Variants in HMGCLL1 observed in about 807,000 individuals in gnomAD.
The protein encoded by HMGCLL1 is 3-hydroxy-3-methylglutaryl-CoA lyase like 1, also known as 3-hydroxymethyl-3-methylglutaryl-CoA lyase, cytoplasmic.
In HMGCLL1, 36 loss-of-function variants were observed where a neutral mutation model predicts 39.1. That is an observed-to-expected ratio of 0.92 (90% confidence interval 0.71 to 1.22). The LOEUF (loss-of-function observed/expected upper bound fraction) is 1.22, where lower values mean the gene tolerates loss of function less well. HMGCLL1 is among the 50% of genes most tolerant of loss of function. HMGCLL1 has a pLI of 0.00. For missense variants in HMGCLL1, 451 were observed against 416.5 expected (o/e 1.08, Z -0.72); for synonymous variants, 149 against 144.0 (o/e 1.03, Z -0.25).
At chr6:55,678,837 A>C in the HMGCLL1 span, among the ~76,000 whole-genome samples, 1 of 152,200 alleles carries the variant, frequency 6.6e-6, no homozygotes, top group African/African-American at 2.4e-5. Context: ...GAAAGGGCAC[A>C]GACAGATTCC....
the HMGCLL1 span, among the ~76,000 whole-genome samples, chr6:55,608,090 T>A: frequency 1.3e-5 from 2 of 152,202 alleles, no homozygotes; most frequent in African/African-American, 4.8e-5. Context: ...GCCTCTTATA[T>A]TAGTAAACAT....
the HMGCLL1 span, among the ~76,000 whole-genome samples, chr6:55,638,860 G>T: frequency 6.6e-6 from 1 of 152,062 alleles, no homozygotes; most frequent in African/African-American, 2.4e-5. Flanking sequence ...GGAAACAGGA[G>T]AATAAAGCCA....
rs1765630895 is a variant in HMGCLL1, at chr6:55,479,720, T to A, written c.795+15699A>T. Among the ~76,000 whole-genome samples the A allele has an allele frequency of 2.0e-5, 3 of 151,728 alleles. No individual in the cohort carries two copies. The South Asian group carries it at 6.2e-4, about 31-fold the overall frequency. ...AACTTGACTTCAGTATGTGAAAGCC[T>A]GAAGATTTAAAGGATAAGCAGAAAG... is the stretch of plus-strand genomic sequence containing the variant. On this transcript the variant is annotated intron_variant, in intron 7 of 8. Coordinates refer to ENST00000274901, the MANE Select transcript of HMGCLL1 (RefSeq NM_001042406.2).
intron 7 of HMGCLL1, among the ~76,000 whole-genome samples, chr6:55,481,316 T>C (rs1765731565): frequency 6.6e-6 from 1 of 151,976 alleles, no homozygotes; most frequent in South Asian, 2.1e-4. Flanking sequence ...AGGTTGAGGC[T>C]GCAGTGAGCT....
intron 1 of HMGCLL1, among the ~76,000 whole-genome samples, chr6:55,562,844 T>C (rs1412961447): frequency 6.6e-6 from 1 of 152,026 alleles, no homozygotes; most frequent in African/African-American, 2.4e-5. Context: ...TATACCAATC[T>C]CATACACAAA....
chr6:55,559,840 T>C (rs1333309398), intron 1 of HMGCLL1, among the ~76,000 whole-genome samples: 1 of 152,198 alleles, frequency 6.6e-6, no homozygotes, highest in East Asian at 1.9e-4. Flanking sequence ...CTTACCTTTC[T>C]CTGTAATTTC....
chr6:55,640,749 CA>C, the HMGCLL1 span, among the ~76,000 whole-genome samples: 1 of 151,262 alleles, frequency 6.6e-6, no homozygotes, highest in Non-Finnish European at 1.5e-5. Flanking sequence ...TATTATATTA[CA>C]AAATTTGTAT....
chr6:55,518,243 T>C (rs1295939732), intron 3 of HMGCLL1, among the ~76,000 whole-genome samples: 1 of 141,964 alleles, frequency 7.0e-6, no homozygotes, highest in East Asian at 1.9e-4. Flanking sequence ...ACATGGAATG[T>C]TAACAATTCA....
intron 3 of HMGCLL1, among the ~76,000 whole-genome samples, chr6:55,531,222 T>C (rs1022966753): frequency 1.3e-5 from 2 of 152,192 alleles, no homozygotes; most frequent in East Asian, 1.9e-4. Flanking sequence ...TGGATTTCAC[T>C]TAAGTGGCTT....
chr6:55,482,158 C>G (rs530323797), intron 7 of HMGCLL1, among the ~76,000 whole-genome samples: 3 of 152,236 alleles, frequency 2.0e-5, no homozygotes, highest in South Asian at 4.1e-4. Context: ...AGTAAGCAAA[C>G]AAACACTATT....
At chr6:55,592,524 A>C in the HMGCLL1 span, among the ~76,000 whole-genome samples, 2 of 152,018 alleles carry the variant, frequency 1.3e-5, no homozygotes, top group East Asian at 3.9e-4. Context: ...TGGGCTTAAT[A>C]ATTCTTTGTT....
At chr6:55,608,882 G>A in the HMGCLL1 span, among the ~76,000 whole-genome samples, 1 of 152,204 alleles carries the variant, frequency 6.6e-6, no homozygotes, top group African/African-American at 2.4e-5. Flanking sequence ...AGGTATCCAG[G>A]TTCTGTCATC....
the HMGCLL1 span, among the ~76,000 whole-genome samples, chr6:55,666,419 G>T: frequency 1.3e-5 from 2 of 151,574 alleles, no homozygotes; most frequent in East Asian, 2.0e-4. Context: ...TTAAAGTCAG[G>T]GTAGGCAAAG....
At chr6:55,592,504 A>G in the HMGCLL1 span, among the ~76,000 whole-genome samples, 2 of 152,054 alleles carry the variant, frequency 1.3e-5, no homozygotes, top group African/African-American at 4.8e-5. Flanking sequence ...CCTCAGCACT[A>G]TTGACATTTT....
intron 3 of HMGCLL1, among the ~76,000 whole-genome samples, chr6:55,531,522 A>G (rs1412523227): frequency 6.6e-6 from 1 of 152,198 alleles, no homozygotes; most frequent in Non-Finnish European, 1.5e-5. Context: ...TTCTCATGGA[A>G]AAACTTATTT....
intron 3 of HMGCLL1, among the ~76,000 whole-genome samples, chr6:55,520,137 T>C (rs1035265834): frequency 6.8e-6 from 1 of 147,670 alleles, no homozygotes; most frequent in Non-Finnish European, 1.5e-5. Context: ...TTAGGAGAAA[T>C]AGCTAATGTA....
upstream of HMGCLL1, among the ~76,000 whole-genome samples, chr6:55,580,495 A>C (rs1383861449): frequency 2.9e-4 from 40 of 136,110 alleles, no homozygotes; most frequent in Non-Finnish European, 1.5e-5. Context: ...GGCTCACTGA[A>C]AGCTTCTCCC....
chr6:55,632,368 G>A, the HMGCLL1 span, among the ~76,000 whole-genome samples: 2 of 150,882 alleles, frequency 1.3e-5, no homozygotes, highest in Non-Finnish European at 1.5e-5. Context: ...TTTGGTCATG[G>A]CATCTAATTG....
chr6:55,622,103 C>T, the HMGCLL1 span, among the ~76,000 whole-genome samples: 3 of 151,964 alleles, frequency 2.0e-5, no homozygotes, highest in Non-Finnish European at 4.4e-5. Flanking sequence ...AGAAATGCTA[C>T]TGATTTTTGT....
Sources: allele counts gnomAD v4.1 joint callset (sites outside exome capture counted in the v4.1 genomes callset), GRCh38; gene constraint gnomAD v4.1.1; transcripts MANE v1.5; gene names NCBI Gene and HGNC (gene_info 2026-07-23, HGNC 2026-07-21).